Variants in CHCHD3 observed in about 807,000 individuals in gnomAD.
CHCHD3 encodes coiled-coil-helix-coiled-coil-helix domain containing 3.
Under a neutral mutation model 38.2 loss-of-function variants are expected in CHCHD3, and 20 were observed. The ratio of observed to expected loss-of-function variants is 0.52; its 90% CI spans 0.37 to 0.76. CHCHD3 has a LOEUF of 0.76. Ranked by LOEUF, CHCHD3 falls within the 30% of genes least tolerant of loss-of-function variation. The pLI, the probability that CHCHD3 is intolerant of heterozygous loss-of-function variation, is 0.00. For missense variants in CHCHD3, 245 were observed against 279.2 expected, an observed-to-expected ratio of 0.88 and a Z score of 0.87; for synonymous variants, 82 against 100.0, an observed-to-expected ratio of 0.82 and a Z score of 1.07.
intron 3 of CHCHD3, among the ~76,000 whole-genome samples, chr7:132,979,723 G>C (rs1024145023): frequency 6.6e-6 from 1 of 152,162 alleles, no homozygotes; most frequent in Non-Finnish European, 1.5e-5. Context: ...TTCTCTTGGA[G>C]GACAGAGTTT....
Position 132,933,655 on chromosome 7 carries a change from C to T in CHCHD3, c.369+41514G>A, listed in dbSNP as rs151028690. ...GTACCCCCAATCTCATAAATGTACT[C>T]GATTAACAAAAAACACCATTAAAAA... On this transcript the variant is annotated intron_variant, in intron 4 of 7. Coordinates refer to ENST00000262570, the MANE Select transcript of CHCHD3 (RefSeq NM_017812.4). Among the ~76,000 whole-genome samples, 849 of 152,204 alleles carry T rather than the reference C, an allele frequency of 5.6e-3. 9 individuals are homozygous for T. Among genetic ancestry groups the T allele is most frequent in the Middle Eastern group, 0.048 (14 of 294 alleles).
chr7:133,022,461 A>G (rs1217940511), intron 3 of CHCHD3: 1 of 456,744 alleles, frequency 2.2e-6, no homozygotes, highest in Admixed American at 2.3e-5. Context: ...GACTGCACAC[A>G]AAACTTTCTT....
At chr7:132,818,924 A>G (rs1032283801) in intron 6 of CHCHD3, among the ~76,000 whole-genome samples, 3 of 152,214 alleles carry the variant, frequency 2.0e-5, no homozygotes, top group African/African-American at 7.2e-5. Flanking sequence ...AACTCTGGCA[A>G]TTAGCTAATG....
At chr7:132,894,213 C>T (rs985280310) in intron 4 of CHCHD3, among the ~76,000 whole-genome samples, 2 of 152,140 alleles carry the variant, frequency 1.3e-5, no homozygotes, top group Admixed American at 1.3e-4. Flanking sequence ...ATTTTATAAA[C>T]TTTCTTCTAT....
At chr7:132,917,689 C>G (rs1406951279) in intron 4 of CHCHD3, among the ~76,000 whole-genome samples, 8 of 151,922 alleles carry the variant, frequency 5.3e-5, no homozygotes, top group Admixed American at 6.6e-5. Flanking sequence ...AAACCCCCGT[C>G]TCTACTAAAA....
In CHCHD3 at chr7:132,864,861, A is replaced by T. The variant is rs147988113; in HGVS notation, c.453+20801T>A. On this transcript the variant is annotated intron_variant, in intron 5 of 7. Transcript: ENST00000262570. ...GCAAAGACCCTAAATAAAATATAAA[A>T]ACTTCTGAAAACTCTTGTATTATCC... Among the ~76,000 whole-genome samples, 351 of 152,298 alleles carry T rather than the reference A, an allele frequency of 2.3e-3. 1 individual carries two copies. Among genetic ancestry groups the T allele is most frequent in the African/African-American group, 8.1e-3 (338 of 41,552 alleles).
At chr7:132,991,239 CTTTA>C (rs927212420) in intron 3 of CHCHD3, among the ~76,000 whole-genome samples, 32 of 152,016 alleles carry the variant, frequency 2.1e-4, no homozygotes, top group African/African-American at 7.0e-4. Flanking sequence ...TAATTTGCTT[CTTTA>C]TTCTGTTTAG....
At chr7:133,064,741 G>A (rs1192877595) in intron 2 of CHCHD3, among the ~76,000 whole-genome samples, 2 of 152,128 alleles carry the variant, frequency 1.3e-5, no homozygotes, top group Non-Finnish European at 2.9e-5. Flanking sequence ...TCACAATGAC[G>A]AGAAATTTAC....
intron 4 of CHCHD3, among the ~76,000 whole-genome samples, chr7:132,940,086 C>T (rs1003950164): frequency 1.3e-5 from 2 of 152,218 alleles, no homozygotes; most frequent in South Asian, 4.2e-4. Context: ...TGAGAAAGTA[C>T]ATGGACAAGA....
chr7:133,009,160 T>C (rs145261529), intron 3 of CHCHD3, among the ~76,000 whole-genome samples: 98 of 151,794 alleles, frequency 6.5e-4, no homozygotes, highest in Middle Eastern at 3.4e-3. Context: ...GGCCAGGAGC[T>C]TGAGACCAGC....
At chr7:132,989,754 T>C (rs948088669) in intron 3 of CHCHD3, among the ~76,000 whole-genome samples, 1 of 152,170 alleles carries the variant, frequency 6.6e-6, no homozygotes, top group African/African-American at 2.4e-5. Flanking sequence ...TAGGAGGAAA[T>C]TACACAACAC....
chr7:132,935,488 C>A (rs1464169182), intron 4 of CHCHD3, among the ~76,000 whole-genome samples: 1 of 152,226 alleles, frequency 6.6e-6, no homozygotes, highest in Non-Finnish European at 1.5e-5. Flanking sequence ...TACTCTGGGT[C>A]AGGATGTAAA....
rs1002187808 is a variant in CHCHD3 at position 133,077,616 on chromosome 7, C to A, written c.81+4241G>T. ...AGCTTTGATGTTTCAGATAAACTTGCGAAAGATAGAGTTGTAAGCACACTT... is the reference window on the plus strand; with the variant it reads ...AGCTTTGATGTTTCAGATAAACTTGAGAAAGATAGAGTTGTAAGCACACTT... On this transcript the variant is annotated intron_variant, in intron 1 of 7. Transcript: ENST00000262570. Among the ~76,000 whole-genome samples the A allele has an allele frequency of 7.2e-5, 11 of 152,142 alleles. 1 individual carries two copies. The highest frequency in any genetic ancestry group is 2.7e-4 in the African/African-American group (11 of 41,410).
chr7:133,067,067 A>C (rs1230984817), intron 2 of CHCHD3, among the ~76,000 whole-genome samples: 1 of 152,214 alleles, frequency 6.6e-6, no homozygotes. Flanking sequence ...CAAAATAATT[A>C]ATCACTTCAA....
chr7:132,911,127 C>T (rs1374304319), intron 4 of CHCHD3, among the ~76,000 whole-genome samples: 1 of 152,120 alleles, frequency 6.6e-6, no homozygotes, highest in Admixed American at 6.5e-5. Context: ...GGGAGTTCCA[C>T]AAACACAGTC....
At chr7:132,935,298 C>A (rs1174419626) in intron 4 of CHCHD3, among the ~76,000 whole-genome samples, 1 of 152,238 alleles carries the variant, frequency 6.6e-6, no homozygotes, top group African/African-American at 2.4e-5. Context: ...AAGGCCAGCA[C>A]TGACTCTCAG....
chr7:132,907,946 C>T (rs1193902680), intron 4 of CHCHD3, among the ~76,000 whole-genome samples: 1 of 151,920 alleles, frequency 6.6e-6, no homozygotes, highest in Admixed American at 6.5e-5. Context: ...CGGTCAAAAA[C>T]CCAGGGAAAT....
intron 4 of CHCHD3, among the ~76,000 whole-genome samples, chr7:132,897,881 G>A (rs183861866): frequency 1.9e-3 from 282 of 152,232 alleles, no homozygotes; most frequent in Middle Eastern, 6.8e-3. Flanking sequence ...GCGGACCCTC[G>A]CAGTGAGTGT....
At chr7:132,955,345 C>T (rs756500819) in intron 4 of CHCHD3, among the ~76,000 whole-genome samples, 3 of 152,070 alleles carry the variant, frequency 2.0e-5, no homozygotes, top group Non-Finnish European at 4.4e-5. Context: ...GTGCATATTA[C>T]GAACATGATT....
Sources: gnomAD v4.1 joint callset for allele counts (sites outside exome capture counted in the v4.1 genomes callset) on GRCh38, gnomAD v4.1.1 for gene constraint, MANE v1.5 for transcripts, NCBI Gene and HGNC (gene_info 2026-07-23, HGNC 2026-07-21) for gene names.